The following MYO1D variants were observed in gnomAD, a reference collection of about 807,000 sequenced individuals.
MYO1D encodes myosin ID.
A neutral mutation model predicts 122.0 loss-of-function variants in MYO1D; 83 were observed. That is an observed-to-expected ratio of 0.68 (90% CI 0.57 to 0.82). The LOEUF (loss-of-function observed/expected upper bound fraction) is 0.82, where lower values mean the gene tolerates loss of function less well. MYO1D is among the 40% of genes least tolerant of loss of function. The pLI is 0.00. For missense variants in MYO1D, 1,157 were observed against 1,269.5 expected, an observed-to-expected ratio of 0.91 and a Z score of 1.35; for synonymous variants, 464 against 446.9, an observed-to-expected ratio of 1.04 and a Z score of -0.48.
intron 21 of MYO1D, among the ~76,000 whole-genome samples, chr17:32,515,466 AT>A (rs1298769572): frequency 1.3e-5 from 2 of 151,800 alleles, no homozygotes; most frequent in East Asian, 3.9e-4. Flanking sequence ...TAATTTTTTG[AT>A]TTTTTGTAGA....
At chr17:32,587,137 G>A (rs1046232632) in intron 21 of MYO1D, among the ~76,000 whole-genome samples, 2 of 152,136 alleles carry the variant, frequency 1.3e-5, no homozygotes, top group Non-Finnish European at 2.9e-5. Context: ...TCTGTTGGAT[G>A]CAAGTTACAT....
rs200118281 is a variant in MYO1D at position 32,524,215 on chromosome 17, T to TA, written c.2865-29301dup. On this transcript the variant is annotated intron_variant, in intron 21 of 21. Transcript: ENST00000318217. ...ATGCATCGTTTTGAATTTCCCACAGTAAAAAAAGCATCATTTTGCTTTTGT... is the reference window on the plus strand; with the variant it reads ...ATGCATCGTTTTGAATTTCCCACAGTAAAAAAAAGCATCATTTTGCTTTTGT... Among the ~76,000 whole-genome samples the TA allele has an allele frequency of 1.9e-3, 284 of 152,280 alleles. 1 individual carries two copies. Among genetic ancestry groups the TA allele is most frequent in the African/African-American group, 5.9e-3 (245 of 41,560 alleles).
chr17:32,725,356 T>C (rs1212314163), intron 14 of MYO1D, among the ~76,000 whole-genome samples: 1 of 151,750 alleles, frequency 6.6e-6, no homozygotes, highest in Non-Finnish European at 1.5e-5. Flanking sequence ...CCGTTTCTAC[T>C]AAAAATACAA....
In MYO1D at chr17:32,535,923, G is replaced by C. The variant is rs571455413; in HGVS notation, c.2865-41008C>G. Among the ~76,000 whole-genome samples, 6 of 152,340 alleles carry C rather than the reference G, an allele frequency of 3.9e-5. No individual in the cohort carries two copies. In the South Asian group the frequency reaches 1.2e-3, roughly 32 times the overall value. On this transcript the variant is annotated intron_variant, in intron 21 of 21. Transcript: ENST00000318217. ...CTTTTTTAAGCTTAACTCTATTCCTGCAGAGAGTGTTTGTACTCAAAGCCA... is the reference window on the plus strand; with the variant it reads ...CTTTTTTAAGCTTAACTCTATTCCTCCAGAGAGTGTTTGTACTCAAAGCCA...
chr17:32,812,563 CAGG>C (rs1364719823), intron 1 of MYO1D, among the ~76,000 whole-genome samples: 7 of 152,088 alleles, frequency 4.6e-5, no homozygotes, highest in Admixed American at 6.5e-5. Flanking sequence ...TAGAGGAAGT[CAGG>C]ATGAAACATG....
At chr17:32,671,919 C>T (rs2088727311) in intron 16 of MYO1D, among the ~76,000 whole-genome samples, 1 of 152,148 alleles carries the variant, frequency 6.6e-6, no homozygotes, top group African/African-American at 2.4e-5. Flanking sequence ...CAGATTTGTT[C>T]CATTAATTTC....
chr17:32,867,141 C>G (rs1483164012), intron 1 of MYO1D, among the ~76,000 whole-genome samples: 1 of 152,022 alleles, frequency 6.6e-6, no homozygotes, highest in Non-Finnish European at 1.5e-5. Flanking sequence ...GCCTGGCCAA[C>G]ATGGTGAAAT....
intron 1 of MYO1D, among the ~76,000 whole-genome samples, chr17:32,839,580 G>T (rs747528930): frequency 1.6e-4 from 24 of 152,182 alleles, no homozygotes; most frequent in Non-Finnish European, 2.9e-4. Flanking sequence ...CAAGTTGAAG[G>T]TAAGGGGCAA....
chr17:32,568,183 T>TTA (rs2087190237), intron 21 of MYO1D, among the ~76,000 whole-genome samples: 1 of 54,938 alleles, frequency 1.8e-5, no homozygotes, highest in African/African-American at 1.0e-4. Context: ...TTCTGCGTTA[T>TTA]TACAAAAAAA....
At chr17:32,790,189 A>G (rs530189960) in intron 1 of MYO1D, among the ~76,000 whole-genome samples, 2 of 152,294 alleles carry the variant, frequency 1.3e-5, no homozygotes, top group East Asian at 1.9e-4. Context: ...TCCGTTCCCC[A>G]TACAGTAGCA....
In MYO1D at chr17:32,712,155, G is replaced by GAAGCCTTCTTT. The variant is rs1303452670; in HGVS notation, c.1953_1954insAAAGAAGGCTT (p.Leu652LysfsTer15). 6.2e-7 allele frequency: 1 copy of GAAGCCTTCTTT among 1,613,944 alleles called. No individual in the cohort carries two copies. On this transcript the variant is annotated frameshift_variant, in exon 16 of 22. Transcript: ENST00000318217. LOFTEE classifies it high-confidence loss of function. Reference sequence around the variant, plus strand: ...TTGACAGCCTCTTTGTCTGAAGGAAGGTCATGGTTGGGCCAGGTGAATTCA... The same window carrying GAAGCCTTCTTT: ...TTGACAGCCTCTTTGTCTGAAGGAAGAAGCCTTCTTTGTCATGGTTGGGCCAGGTGAATTCA...
intron 21 of MYO1D, among the ~76,000 whole-genome samples, chr17:32,551,508 G>A (rs2087014713): frequency 6.6e-6 from 1 of 151,850 alleles, no homozygotes. Flanking sequence ...GACACGTCCA[G>A]CTTTACTTTT....
chr17:32,605,371 G>T, intron 20 of MYO1D, 130 bp from the exon 21 acceptor site: 1 of 743,758 alleles, frequency 1.3e-6, no homozygotes, highest in Non-Finnish European at 2.0e-6. Context: ...GATACAGGAT[G>T]ATCATTTGAG....
At chr17:32,873,217 T>C (rs1394396772) in intron 1 of MYO1D, among the ~76,000 whole-genome samples, 3 of 152,208 alleles carry the variant, frequency 2.0e-5, no homozygotes, top group Admixed American at 2.0e-4. Flanking sequence ...GAATGTACTC[T>C]GTACCCAGCA....
intron 21 of MYO1D, among the ~76,000 whole-genome samples, chr17:32,538,059 G>C (rs1567881449): frequency 1.3e-5 from 2 of 151,916 alleles, no homozygotes; most frequent in Non-Finnish European, 2.9e-5. Context: ...CTTTGAACTG[G>C]GAAGCTCCTT....
intron 21 of MYO1D, among the ~76,000 whole-genome samples, chr17:32,584,437 T>C (rs1019753567): frequency 1.3e-5 from 2 of 152,176 alleles, no homozygotes; most frequent in Non-Finnish European, 2.9e-5. Context: ...ATCTTAACTA[T>C]TTTCAAGTAT....
At chr17:32,563,678 A>C (rs962358143) in intron 21 of MYO1D, among the ~76,000 whole-genome samples, 18 of 152,228 alleles carry the variant, frequency 1.2e-4, no homozygotes, top group African/African-American at 4.3e-4. Context: ...ATTTGGAAAA[A>C]CAGAAGTTCA....
At chr17:32,496,280 A>G (rs1250185210) in intron 21 of MYO1D, 1 of 152,246 alleles carries the variant, frequency 6.6e-6, no homozygotes, top group Non-Finnish European at 1.5e-5. Context: ...AGCAGGCCCC[A>G]AAGTTTCAGA....
intron 16 of MYO1D, among the ~76,000 whole-genome samples, chr17:32,708,852 C>A (rs1477046559): frequency 2.0e-5 from 3 of 152,202 alleles, no homozygotes; most frequent in African/African-American, 4.8e-5. Flanking sequence ...CTTTTAGAAT[C>A]TCTTTCCTAG....
Sources: gnomAD v4.1 joint callset for allele counts (sites outside exome capture counted in the v4.1 genomes callset) on GRCh38, gnomAD v4.1.1 for gene constraint, MANE v1.5 for transcripts, NCBI Gene and HGNC (gene_info 2026-07-23, HGNC 2026-07-21) for gene names.